The following CFAP69 variants were observed in gnomAD, a reference collection of about 807,000 sequenced individuals.
CFAP69 encodes the protein cilia and flagella associated protein 69.
A neutral mutation model predicts 123.0 loss-of-function variants in CFAP69; 92 were observed. The ratio of observed to expected loss-of-function variants is 0.75; its 90% CI spans 0.63 to 0.89. The LOEUF is 0.89. Ranked by LOEUF, CFAP69 falls within the 40% of genes least tolerant of loss-of-function variation. The pLI is 0.00. For synonymous variants in CFAP69, 380 were observed against 364.3 expected (o/e 1.04, Z -0.49); for missense variants, 1,067 against 1,096.9 (o/e 0.97, Z 0.39).
In CFAP69 at chr7:90,266,497, A is replaced by G. The variant is rs1177371676; in HGVS notation, c.433+1120A>G. On this transcript the variant is annotated intron_variant, in intron 5 of 22. Transcript: ENST00000389297. ...AAAAAGTGTAGTTTTTGTTGGTAAC[A>G]TTATTTTTTAAAATACCCCTGTTGC... 2.6e-5 allele frequency among the ~76,000 whole-genome samples: 4 copies of G among 152,166 alleles called. No individual in the cohort carries two copies. The East Asian group carries it at 7.7e-4, about 29-fold the overall frequency.
chr7:90,300,057 TTGG>T lies in CFAP69; in HGVS notation c.2050+1_2050+3del. The T allele has an allele frequency of 6.4e-7, 1 of 1,573,632 alleles. No homozygotes were observed. Among genetic ancestry groups the T allele is most frequent in the African/African-American group, 1.4e-5 (1 of 73,170 alleles). The stretch of plus-strand genomic sequence containing the variant: ...AAACGTGATAAAAATGGGAAGATCA[TTGG>T]TGAGTATATTTATAATTGTTAGTAG... On this transcript the variant is annotated splice_donor_variant and coding_sequence_variant, in exon 17 of 23. Coordinates refer to ENST00000389297, the MANE Select transcript of CFAP69 (RefSeq NM_001039706.3).
intron 15 of CFAP69, among the ~76,000 whole-genome samples, chr7:90,292,047 C>G (rs1584491624): frequency 6.6e-6 from 1 of 152,148 alleles, no homozygotes; most frequent in Non-Finnish European, 1.5e-5. Flanking sequence ...ACATATTTCT[C>G]TCTCCAGTTT....
intron 11 of CFAP69, among the ~76,000 whole-genome samples, chr7:90,278,364 A>G (rs900694789): frequency 1.3e-5 from 2 of 152,122 alleles, no homozygotes; most frequent in African/African-American, 4.8e-5. Flanking sequence ...ACTTTAAGGA[A>G]TATATATATT....
chr7:90,246,480 G>A (rs752175820), intron 1 of CFAP69, among the ~76,000 whole-genome samples: 4 of 152,206 alleles, frequency 2.6e-5, no homozygotes, highest in African/African-American at 7.2e-5. Flanking sequence ...GAGTTCCTTG[G>A]GAGTGGTCAG....
In CFAP69 at chr7:90,310,157, A is replaced by T; in HGVS notation, c.2745A>T (p.Lys915Asn). 6.2e-7 allele frequency: 1 copy of T among 1,614,000 alleles called. No homozygotes were observed. The highest frequency in any genetic ancestry group is 1.3e-5 in the African/African-American group (1 of 75,028). The change falls in exon 23 of 23, where the codon AAA (lysine) becomes AAT (asparagine). Residue 915 changes from lysine (K) to asparagine (N), a missense_variant. Lys to Asn is a moderately conservative substitution (Grantham distance 94). Transcript: ENST00000389297. ...PLVDTDIALK[K>N]LPIRGGALQR... Reference sequence around the variant, plus strand: ...TTGATACGGATATTGCTCTTAAAAAACTGCCCATTCGAGGAGGAGCCTTGC... The same window carrying T: ...TTGATACGGATATTGCTCTTAAAAATCTGCCCATTCGAGGAGGAGCCTTGC...
intron 15 of CFAP69, among the ~76,000 whole-genome samples, chr7:90,294,461 A>C (rs1211440221): frequency 6.6e-6 from 1 of 152,164 alleles, no homozygotes; most frequent in Non-Finnish European, 1.5e-5. Flanking sequence ...TAAACATCAC[A>C]CACATAATAC....
At chr7:90,255,301 A>G in intron 1 of CFAP69, 122 bp from the exon 2 acceptor site, 3 of 699,292 alleles carry the variant, frequency 4.3e-6, no homozygotes, top group Non-Finnish European at 7.3e-6. Flanking sequence ...TCCCCTTACT[A>G]TCGTAGTGTC....
At chr7:90,305,074 G>A (rs1793373183) in intron 19 of CFAP69, among the ~76,000 whole-genome samples, 1 of 152,108 alleles carries the variant, frequency 6.6e-6, no homozygotes, top group South Asian at 2.1e-4. Flanking sequence ...CGGGCACGGT[G>A]GCTCACGCCT....
chr7:90,312,369 TTGAG>T (rs1794411939), downstream of CFAP69: 1 of 152,244 alleles, frequency 6.6e-6, no homozygotes, highest in Non-Finnish European at 1.5e-5. Context: ...TATTACTTGC[TTGAG>T]TATCATTTTT....
chr7:90,307,989 T>C, intron 21 of CFAP69, 135 bp downstream of exon 21: 3 of 531,574 alleles, frequency 5.6e-6, no homozygotes, highest in Admixed American at 3.8e-5. Context: ...GATGCTCATA[T>C]GCAATTTAGA....
At position 90,273,108 on chromosome 7, in the gene CFAP69, A is replaced by G. The variant is rs537595913; in HGVS notation, c.861-879A>G. ...AACCTAACTCAGAGTTGGAGAATTAATAACTGCTTCCTAATGAACTCAAGT... is the reference window on the plus strand; with the variant it reads ...AACCTAACTCAGAGTTGGAGAATTAGTAACTGCTTCCTAATGAACTCAAGT... On this transcript the variant is annotated intron_variant, in intron 8 of 22. Transcript: ENST00000389297. Among the ~76,000 whole-genome samples the G allele has an allele frequency of 5.9e-5, 9 of 152,342 alleles. No homozygotes were observed. The South Asian group carries it at 1.9e-3, about 32-fold the overall frequency.
Position 90,279,679 on chromosome 7 carries a change from A to G in CFAP69, c.1158A>G (p.Leu386=), listed in dbSNP as rs369040130. 3 of 1,596,416 alleles carry G rather than the reference A, an allele frequency of 1.9e-6. No individual in the cohort carries two copies. Among genetic ancestry groups the G allele is most frequent in the Non-Finnish European group, 2.6e-6 (3 of 1,172,828 alleles). ...GTATCCTTTGTTCTTTCTCACAGCT[A>G]TTAATTGATGGCAAAGTTATTTTGG... ...ILCKDLPTVQ[L]LIDGKVILAL... is the part of the protein sequence containing the mutation. Residue 386 remains leucine (L), a splice_region_variant and synonymous_variant, in exon 12 of 23, where the codon CTA becomes CTG. Coordinates refer to ENST00000389297, the MANE Select transcript of CFAP69 (RefSeq NM_001039706.3).
At chr7:90,286,690 C>A (rs571093537) in intron 14 of CFAP69, among the ~76,000 whole-genome samples, 1 of 152,246 alleles carries the variant, frequency 6.6e-6, no homozygotes, top group South Asian at 2.1e-4. Flanking sequence ...GTTTTCTATT[C>A]CTATAGGTTG....
intron 14 of CFAP69, 48 bp from the exon 15 acceptor site, chr7:90,288,186 A>G: frequency 6.9e-7 from 1 of 1,456,848 alleles, no homozygotes; most frequent in Non-Finnish European, 9.5e-7. Context: ...AAAGGGAGGA[A>G]TTATTTATTT....
chr7:90,288,991 TTC>T (rs779610367), intron 15 of CFAP69, among the ~76,000 whole-genome samples: 5 of 152,012 alleles, frequency 3.3e-5, no homozygotes, highest in African/African-American at 9.7e-5. Context: ...CAAAAATATT[TTC>T]TTTCTTTATA....
At chr7:90,266,350 A>G (rs1002025435) in intron 5 of CFAP69, among the ~76,000 whole-genome samples, 5 of 152,072 alleles carry the variant, frequency 3.3e-5, no homozygotes, top group African/African-American at 1.2e-4. Flanking sequence ...TTTAAAGAAA[A>G]ACACCTTAGG....
In CFAP69 at chr7:90,297,756, A is replaced by G; in HGVS notation, c.1783A>G (p.Ile595Val). 1.3e-6 allele frequency: 2 copies of G among 1,568,796 alleles called. No individual in the cohort carries two copies. The highest frequency in any genetic ancestry group is 2.4e-5 in the South Asian group (2 of 84,680). ...ACTTTCTTTTAATTTAAGGTGCTGTATTTTGGGATGTTATCCCTCAGAGGA... is the reference window on the plus strand; with the variant it reads ...ACTTTCTTTTAATTTAAGGTGCTGTGTTTTGGGATGTTATCCCTCAGAGGA... ...FSTLDSIWCC[I>V]LGCYPSEDYF... is the part of the protein sequence containing the mutation. The change falls in exon 16 of 23, where the codon ATT (isoleucine) becomes GTT (valine). Residue 595 changes from isoleucine (I) to valine (V), a missense_variant. By Grantham distance (29) the Ile-to-Val change is conservative. Coordinates refer to ENST00000389297, the MANE Select transcript of CFAP69 (RefSeq NM_001039706.3).
At chr7:90,273,716 G>A (rs1800312294) in intron 8 of CFAP69, among the ~76,000 whole-genome samples, 1 of 152,086 alleles carries the variant, frequency 6.6e-6, no homozygotes, top group Non-Finnish European at 1.5e-5. Context: ...ATATCAGGGT[G>A]CCAGTGTGGT....
chr7:90,280,309 C>T (rs1335688725), intron 12 of CFAP69, among the ~76,000 whole-genome samples: 2 of 152,128 alleles, frequency 1.3e-5, no homozygotes, highest in South Asian at 4.1e-4. Flanking sequence ...GCGATCCTCC[C>T]ACCCCAGCCT....
Sources: gnomAD v4.1 joint callset for allele counts (sites outside exome capture counted in the v4.1 genomes callset) on GRCh38, gnomAD v4.1.1 for gene constraint, MANE v1.5 for transcripts, NCBI Gene and HGNC (gene_info 2026-07-23, HGNC 2026-07-21) for gene names.